MAD1L1: variants seen among roughly 807,000 people sequenced by gnomAD.
MAD1L1 encodes mitotic arrest deficient 1 like 1.
Under a neutral mutation model 96.9 loss-of-function variants are expected in MAD1L1, and 95 were observed. The observed-to-expected ratio is 0.98, with a 90% CI of 0.83 to 1.16. The LOEUF (loss-of-function observed/expected upper bound fraction) is 1.16. MAD1L1 is among the 50% of genes most tolerant of loss of function. The pLI, the probability that MAD1L1 is intolerant of heterozygous loss-of-function variation, is 0.00. For synonymous variants in MAD1L1, 473 were observed against 396.6 expected, an observed-to-expected ratio of 1.19 and a Z score of -2.29; for missense variants, 1,007 against 954.4, an observed-to-expected ratio of 1.06 and a Z score of -0.73.
intron 17 of MAD1L1, among the ~76,000 whole-genome samples, chr7:1,899,912 G>C (rs1787136639): frequency 6.6e-6 from 1 of 152,218 alleles, no homozygotes; most frequent in African/African-American, 2.4e-5. Context: ...TGGAGGACGC[G>C]GGAGGGGCCG....
intron 18 of MAD1L1, among the ~76,000 whole-genome samples, chr7:1,824,430 GGA>G (rs1782284615): frequency 6.6e-6 from 1 of 152,196 alleles, no homozygotes; most frequent in South Asian, 2.1e-4. Context: ...CGGGCTCAGG[GGA>G]GACACAGAGC....
At chr7:2,044,378 G>A (rs566974020) in intron 12 of MAD1L1, among the ~76,000 whole-genome samples, 6 of 152,302 alleles carry the variant, frequency 3.9e-5, no homozygotes, top group East Asian at 3.9e-4. Flanking sequence ...GCTCCTGAGA[G>A]GACGCTCCTG....
rs143203036 is a variant in MAD1L1, at chr7:2,064,712, G to A, written c.1218+4482C>T. On this transcript the variant is annotated intron_variant, in intron 12 of 18. Coordinates refer to ENST00000265854, the MANE Select transcript of MAD1L1 (RefSeq NM_001013836.2). ...TGGCAGCTTCTCCCAGGAGGACAGC[G>A]GCTTCTCCCAGAGGATACCAGATTC... 1.3e-3 allele frequency among the ~76,000 whole-genome samples: 203 copies of A among 151,906 alleles called. 1 individual carries two copies. In the Middle Eastern group the frequency reaches 0.031, roughly 23 times the overall value.
chr7:2,232,675 G>A (rs551180467), intron 1 of MAD1L1, among the ~76,000 whole-genome samples, 197 bp downstream of exon 1: 2 of 152,178 alleles, frequency 1.3e-5, no homozygotes, highest in African/African-American at 4.8e-5. Flanking sequence ...GGGGAGTGGG[G>A]AGAGGAGGGG....
rs570717704 is a variant in MAD1L1 at position 2,078,021 on chromosome 7, G to A, written c.1074-8683C>T. On this transcript the variant is annotated intron_variant, in intron 11 of 18. Coordinates refer to ENST00000265854, the MANE Select transcript of MAD1L1 (RefSeq NM_001013836.2). Reference sequence around the variant, plus strand: ...CAGAAGCAACACTGAGCATGTTCAGGCATCCACATTCGCTCCTTGCTAAGA... The same window carrying A: ...CAGAAGCAACACTGAGCATGTTCAGACATCCACATTCGCTCCTTGCTAAGA... Among the ~76,000 whole-genome samples, 4 of 152,292 alleles carry A rather than the reference G, an allele frequency of 2.6e-5. No homozygotes were observed. The South Asian group carries it at 8.3e-4, about 32-fold the overall frequency.
chr7:2,023,831 C>A (rs902453794), intron 12 of MAD1L1, among the ~76,000 whole-genome samples: 1 of 152,046 alleles, frequency 6.6e-6, no homozygotes, highest in East Asian at 1.9e-4. Context: ...TACCTGTAAT[C>A]CCAGCTACTT....
intron 18 of MAD1L1, among the ~76,000 whole-genome samples, chr7:1,820,129 A>G (rs574778079): frequency 4.6e-5 from 7 of 152,282 alleles, no homozygotes; most frequent in Admixed American, 1.3e-4. Context: ...CAGTCAGAGA[A>G]AGACAACAGG....
At chr7:2,126,406 G>T (rs1297398290) in intron 11 of MAD1L1, among the ~76,000 whole-genome samples, 1 of 152,198 alleles carries the variant, frequency 6.6e-6, no homozygotes, top group Non-Finnish European at 1.5e-5. Context: ...CAGCAGATGT[G>T]GACCAGACCA....
At chr7:2,132,232 C>A (rs1028412815) in intron 11 of MAD1L1, among the ~76,000 whole-genome samples, 1 of 152,238 alleles carries the variant, frequency 6.6e-6, no homozygotes, top group Non-Finnish European at 1.5e-5. Flanking sequence ...TACCCTTCAG[C>A]CCCCAGGCAG....
chr7:1,898,166 A>AC, intron 18 of MAD1L1, 34 bp downstream of exon 18: 1 of 1,568,380 alleles, frequency 6.4e-7, no homozygotes, highest in Non-Finnish European at 8.7e-7. Flanking sequence ...ACAGAGAGCG[A>AC]GACAGCCGGA....
At chr7:1,829,613 G>C (rs1481268255) in intron 18 of MAD1L1, 2 of 152,044 alleles carry the variant, frequency 1.3e-5, no homozygotes, top group African/African-American at 2.4e-5. Context: ...GGTTGCCAGT[G>C]GTGGGGACAG....
intron 12 of MAD1L1, 132 bp from the exon 13 acceptor site, chr7:2,014,774 G>A (rs1461590719): frequency 3.8e-6 from 4 of 1,055,152 alleles, no homozygotes; most frequent in Non-Finnish European, 5.2e-6. Context: ...CCAGCACTCA[G>A]AGCCCACCCC....
intron 9 of MAD1L1, among the ~76,000 whole-genome samples, chr7:2,215,455 A>T (rs1319301683): frequency 6.6e-6 from 1 of 151,566 alleles, no homozygotes; most frequent in Non-Finnish European, 1.5e-5. Flanking sequence ...GGTCTCCCCG[A>T]GCTGGAATCC....
intron 11 of MAD1L1, among the ~76,000 whole-genome samples, chr7:2,143,452 A>G (rs1051548282): frequency 1.3e-5 from 2 of 151,650 alleles, no homozygotes; most frequent in Admixed American, 1.3e-4. Flanking sequence ...GGAAAGACTC[A>G]TAACTAGTAA....
At chr7:1,982,561 T>C (rs776589071) in intron 14 of MAD1L1, among the ~76,000 whole-genome samples, 14 of 152,198 alleles carry the variant, frequency 9.2e-5, no homozygotes, top group Non-Finnish European at 1.6e-4. Context: ...AATTTTTGTT[T>C]CCCGCCCCCT....
At chr7:2,009,887 C>G (rs766699971) in intron 13 of MAD1L1, among the ~76,000 whole-genome samples, 2 of 152,088 alleles carry the variant, frequency 1.3e-5, no homozygotes, top group African/African-American at 4.8e-5. Context: ...CGGCGTGTCA[C>G]GGGGAGCCCG....
At chr7:2,096,769 G>A (rs1270727890) in intron 11 of MAD1L1, among the ~76,000 whole-genome samples, 3 of 152,096 alleles carry the variant, frequency 2.0e-5, no homozygotes, top group African/African-American at 7.2e-5. Context: ...GGAGGGGGCA[G>A]GCTGCAGCTG....
intron 12 of MAD1L1, among the ~76,000 whole-genome samples, chr7:2,030,874 T>C (rs1046383750): frequency 6.6e-6 from 1 of 152,220 alleles, no homozygotes; most frequent in Non-Finnish European, 1.5e-5. Context: ...CAGAGCTTGA[T>C]GATACCATGT....
At position 1,854,437 on chromosome 7, in the gene MAD1L1, G is replaced by A. The variant is rs568772148; in HGVS notation, c.1999-38209C>T. 8.9e-6 allele frequency: 4 copies of A among 450,342 alleles called. No individual in the cohort carries two copies. The Admixed American group carries it at 9.8e-5, about 11-fold the overall frequency. 27.9% of individuals were successfully genotyped at this position (450,342 alleles called of 1,614,324 possible). A position where few individuals can be genotyped will look rare whatever the true frequency, so the allele number is the denominator to read the frequency against. On this transcript the variant is annotated intron_variant, in intron 18 of 18. Transcript: ENST00000265854. ...CGTAAACAGAGTTCACTTCTCACAG[G>A]CCTGGAGGCCACAAGGGCAGGGTAA...
Sources: allele counts gnomAD v4.1 joint callset (sites outside exome capture counted in the v4.1 genomes callset), GRCh38; gene constraint gnomAD v4.1.1; transcripts MANE v1.5; gene names NCBI Gene and HGNC (gene_info 2026-07-23, HGNC 2026-07-21).